CAMK2A: variants seen among roughly 807,000 people sequenced by gnomAD.
CAMK2A encodes the protein calcium/calmodulin dependent protein kinase II alpha, also known as calcium/calmodulin-dependent protein kinase type II subunit alpha.
In CAMK2A, 7 loss-of-function variants were observed where a neutral mutation model predicts 79.2. That is an observed-to-expected ratio of 0.09 (90% CI 0.05 to 0.17). The LOEUF is 0.17. Among genes scored for constraint, CAMK2A ranks in the 10% least tolerant of loss-of-function variants. The pLI is 1.00. For missense variants in CAMK2A, 214 were observed against 646.4 expected (o/e 0.33, Z 7.25); for synonymous variants, 242 against 251.7 (o/e 0.96, Z 0.36).
At chr5:150,263,382 A>G (rs1051601505) in intron 3 of CAMK2A, among the ~76,000 whole-genome samples, 1 of 150,914 alleles carries the variant, frequency 6.6e-6, no homozygotes, top group African/African-American at 2.5e-5. Context: ...ATGCACTCAC[A>G]CAGACATTCA....
Position 150,222,247 on chromosome 5 carries a change from G to C in CAMK2A, c.*463C>G, listed in dbSNP as rs1754347422. On this transcript the variant is annotated 3_prime_UTR_variant, in exon 19 of 19. Transcript: ENST00000671881. The stretch of plus-strand genomic sequence containing the variant: ...CTCCTTCAGTGCGGTTGGCTTAGGG[G>C]GAAGGGAGTGTCATCTGCCCTTCCC... 1.9e-6 allele frequency: 1 copy of C among 530,914 alleles called. No homozygotes were observed. The highest frequency in any genetic ancestry group is 3.1e-5 in the Admixed American group (1 of 31,758). 32.9% of individuals were successfully genotyped at this position (530,914 alleles called of 1,614,324 possible).
intron 15 of CAMK2A, among the ~76,000 whole-genome samples, chr5:150,235,676 T>C (rs779383348): frequency 1.3e-5 from 2 of 152,190 alleles, no homozygotes; most frequent in African/African-American, 4.8e-5. Flanking sequence ...GCCTGTGCAG[T>C]GAGCCAGAGG....
At chr5:150,282,094 G>GACTGAA (rs1248082598) in intron 1 of CAMK2A, among the ~76,000 whole-genome samples, 2 of 152,186 alleles carry the variant, frequency 1.3e-5, no homozygotes, top group Non-Finnish European at 2.9e-5. Context: ...AAAATCCTAG[G>GACTGAA]ACCTGTTACT....
At chr5:150,260,302 A>G (rs1168550227) in intron 3 of CAMK2A, among the ~76,000 whole-genome samples, 2 of 151,860 alleles carry the variant, frequency 1.3e-5, no homozygotes, top group Non-Finnish European at 2.9e-5. Context: ...TAAAAATACA[A>G]AACAAAATTA....
At chr5:150,254,047 T>A (rs770609967) in intron 6 of CAMK2A, among the ~76,000 whole-genome samples, 10 of 152,190 alleles carry the variant, frequency 6.6e-5, no homozygotes, top group Non-Finnish European at 1.3e-4. Context: ...GCCTTTGCAC[T>A]TCCTGTTTTC....
At chr5:150,237,925 C>T (rs76575453) in intron 15 of CAMK2A, among the ~76,000 whole-genome samples, 4,107 of 151,856 alleles carry the variant, frequency 0.027, 173 homozygotes, top group African/African-American at 0.094. Context: ...GCTCCAGTGG[C>T]GCCGGCATCT....
At chr5:150,250,621 T>C (rs1755789460) in intron 10 of CAMK2A, 67 bp downstream of exon 10, 1 of 1,595,374 alleles carries the variant, frequency 6.3e-7, no homozygotes. Flanking sequence ...GGGCCAGAAC[T>C]CTGTGGGGGC....
In CAMK2A at chr5:150,273,276, T is replaced by G; in HGVS notation, c.63-117A>C. On this transcript the variant is annotated intron_variant, in intron 1 of 18. Transcript: ENST00000671881. Reference sequence around the variant, plus strand: ...GACAGAAGCCCTTCATCAGAGCTGCTCAAGCTCACAGGGGCTTCTGTGACC... The same window carrying G: ...GACAGAAGCCCTTCATCAGAGCTGCGCAAGCTCACAGGGGCTTCTGTGACC... 4 of 747,576 alleles carry G rather than the reference T, an allele frequency of 5.4e-6. No individual in the cohort carries two copies. In the South Asian group the frequency reaches 6.8e-5, roughly 13 times the overall value. 46.3% of individuals were successfully genotyped at this position (747,576 alleles called of 1,614,324 possible). A position where few individuals can be genotyped will look rare whatever the true frequency, so the allele number is the denominator to read the frequency against.
intron 2 of CAMK2A, 151 bp from the exon 3 acceptor site, chr5:150,265,166 C>T (rs546363689): frequency 3.1e-6 from 2 of 655,264 alleles, no homozygotes; most frequent in South Asian, 3.4e-5. Context: ...TCTGAGTTCT[C>T]CAGGAAGACC....
At chr5:150,281,426 G>T (rs1757211773) in intron 1 of CAMK2A, among the ~76,000 whole-genome samples, 1 of 152,220 alleles carries the variant, frequency 6.6e-6, no homozygotes, top group South Asian at 2.1e-4. Flanking sequence ...GCTGGGGTTG[G>T]CCACAGAGGC....
intron 12 of CAMK2A, chr5:150,245,409 C>T: frequency 1.7e-6 from 1 of 594,132 alleles, no homozygotes; most frequent in Admixed American, 3.0e-5. Context: ...CCTGGGTTCC[C>T]CGCCTTCTCA....
chr5:150,247,756 A>C lies in CAMK2A; in HGVS notation c.943+16T>G. Reference sequence around the variant, plus strand: ...GGTGCAGGGCTTACTGGGGACCCTGAGGTCCTGCCACCTACCGGAGAAGTT... The same window carrying C: ...GGTGCAGGGCTTACTGGGGACCCTGCGGTCCTGCCACCTACCGGAGAAGTT... On this transcript the variant is annotated intron_variant, in intron 12 of 18. Transcript: ENST00000671881. 1 of 1,605,914 alleles carries C rather than the reference A, an allele frequency of 6.2e-7. No individual in the cohort carries two copies. The highest frequency in any genetic ancestry group is 8.5e-7 in the Non-Finnish European group (1 of 1,175,958).
chr5:150,226,817 T>G (rs113012991), intron 17 of CAMK2A, among the ~76,000 whole-genome samples: 8,184 of 150,440 alleles, frequency 0.054, 792 homozygotes, highest in African/African-American at 0.19. Flanking sequence ...TGTGTTTTTT[T>G]TGTGGAGATT....
In CAMK2A at chr5:150,222,173, AG is replaced by A; in HGVS notation, c.*536del. On this transcript the variant is annotated 3_prime_UTR_variant, in exon 19 of 19. Transcript: ENST00000671881. ...GGTCAGCACAGGAGGAAGAAGACTT[AG>A]GGGAGCACTTTGAGGCAGGAGGCTC... 2.9e-6 allele frequency: 1 copy of A among 350,620 alleles called. No individual in the cohort carries two copies. Among genetic ancestry groups the A allele is most frequent in the South Asian group, 3.3e-5 (1 of 29,992 alleles). 21.7% of individuals were successfully genotyped at this position (350,620 alleles called of 1,614,324 possible).
rs780619214 is a variant in CAMK2A at position 150,222,027 on chromosome 5, C to T, written c.*683G>A. ...CAAAGCTGGAATTCTCCAGGGATGA[C>T]GGGGGTGGGGTGGGCAGGTTAATGT... On this transcript the variant is annotated 3_prime_UTR_variant, in exon 19 of 19. Transcript: ENST00000671881. 4.6e-5 allele frequency: 9 copies of T among 193,776 alleles called. No homozygotes were observed. Among genetic ancestry groups the T allele is most frequent in the Non-Finnish European group, 5.4e-5 (5 of 93,218 alleles). 12.0% of individuals were successfully genotyped at this position (193,776 alleles called of 1,614,324 possible). A position where few individuals can be genotyped will look rare whatever the true frequency, so the allele number is the denominator to read the frequency against.
intron 2 of CAMK2A, among the ~76,000 whole-genome samples, chr5:150,270,608 G>A: frequency 6.6e-6 from 1 of 151,798 alleles, no homozygotes; most frequent in Non-Finnish European, 1.5e-5. Context: ...CGCCCCCGAG[G>A]CACCATGAGC....
chr5:150,269,262 G>C (rs919955649), intron 2 of CAMK2A, among the ~76,000 whole-genome samples: 2 of 152,162 alleles, frequency 1.3e-5, no homozygotes, highest in Admixed American at 6.5e-5. Flanking sequence ...CCAGGGTGTG[G>C]GGGCTAAGAG....
chr5:150,266,755 C>A (rs1756529904), intron 2 of CAMK2A, among the ~76,000 whole-genome samples: 1 of 152,180 alleles, frequency 6.6e-6, no homozygotes, highest in Admixed American at 6.5e-5. Flanking sequence ...CCCCAATTCC[C>A]AAATAGAAAA....
intron 11 of CAMK2A, among the ~76,000 whole-genome samples, chr5:150,248,449 T>TA (rs1251910827): frequency 6.6e-6 from 1 of 151,328 alleles, no homozygotes; most frequent in Non-Finnish European, 1.5e-5. Flanking sequence ...ACTCGTCATT[T>TA]ACATTAGGTA....
Sources: allele counts gnomAD v4.1 joint callset (sites outside exome capture counted in the v4.1 genomes callset), GRCh38; gene constraint gnomAD v4.1.1; transcripts MANE v1.5; gene names NCBI Gene and HGNC (gene_info 2026-07-23, HGNC 2026-07-21).